TAS2R1: variants seen among roughly 807,000 people sequenced by gnomAD.
The protein encoded by TAS2R1 is taste 2 receptor member 1.
For missense variants in TAS2R1, 370 were observed against 353.4 expected, an observed-to-expected ratio of 1.05 and a Z score of -0.38; for synonymous variants, 141 against 134.2, an observed-to-expected ratio of 1.05 and a Z score of -0.35.
At chr5:9,824,844 G>GAAAA in the TAS2R1 span, among the ~76,000 whole-genome samples, 8 of 132,704 alleles carry the variant, frequency 6.0e-5, no homozygotes, top group Admixed American at 1.5e-4. Flanking sequence ...TGAAAACTCT[G>GAAAA]AAAAAAAAAA....
At chr5:9,669,535 A>G (rs1159651505) in intron 1 of TAS2R1, among the ~76,000 whole-genome samples, 1 of 152,160 alleles carries the variant, frequency 6.6e-6, no homozygotes, top group Non-Finnish European at 1.5e-5. Flanking sequence ...AGCAAATTTT[A>G]AACAACCAAA....
chr5:9,701,666 T>C (rs1579791023), intron 1 of TAS2R1, among the ~76,000 whole-genome samples: 1 of 152,240 alleles, frequency 6.6e-6, no homozygotes, highest in African/African-American at 2.4e-5. Flanking sequence ...GTGTATTGAC[T>C]GCAAATACTT....
chr5:9,836,882 G>A, the TAS2R1 span, among the ~76,000 whole-genome samples: 1 of 152,170 alleles, frequency 6.6e-6, no homozygotes, highest in Non-Finnish European at 1.5e-5. Flanking sequence ...ACATGCATGA[G>A]GATCTAATGA....
the TAS2R1 span, among the ~76,000 whole-genome samples, chr5:9,796,733 A>G: frequency 2.1e-5 from 3 of 144,918 alleles, no homozygotes; most frequent in Non-Finnish European, 4.6e-5. Flanking sequence ...AAAAAAAAAA[A>G]AAAAAAGAAA....
At chr5:9,784,790 C>T in the TAS2R1 span, among the ~76,000 whole-genome samples, 3 of 152,264 alleles carry the variant, frequency 2.0e-5, no homozygotes, top group South Asian at 2.1e-4. Flanking sequence ...CACTCGAAGC[C>T]CTGTGTGTCT....
chr5:9,831,823 A>G, the TAS2R1 span, among the ~76,000 whole-genome samples: 2 of 152,120 alleles, frequency 1.3e-5, no homozygotes, highest in Non-Finnish European at 2.9e-5. Context: ...TGCGATTTTT[A>G]TCTGAAAAGG....
At chr5:9,790,280 T>G in the TAS2R1 span, among the ~76,000 whole-genome samples, 960 of 152,360 alleles carry the variant, frequency 6.3e-3, 5 homozygotes, top group Non-Finnish European at 0.011. Flanking sequence ...ACCCTGCCAC[T>G]CTGTTTTCAT....
chr5:9,717,794 A>G, the TAS2R1 span, among the ~76,000 whole-genome samples: 1 of 152,240 alleles, frequency 6.6e-6, no homozygotes. Context: ...TAAAAATAAA[A>G]GGACATATAC....
chr5:9,777,525 C>T, the TAS2R1 span, among the ~76,000 whole-genome samples: 65 of 152,352 alleles, frequency 4.3e-4, no homozygotes, highest in Middle Eastern at 0.017. Context: ...TTACTTCCTT[C>T]GCTGAAGCCT....
Position 9,629,417 on chromosome 5 carries a change from G to T in TAS2R1, c.616C>A (p.Arg206=). 6.2e-7 allele frequency: 1 copy of T among 1,613,960 alleles called. No homozygotes were observed. The highest frequency in any genetic ancestry group is 1.1e-5 in the South Asian group (1 of 91,070). The part of the protein sequence containing the change: ...LLIFSLGRHT[R]QMRNTVAGSR... ...CCGGCCACTGTGTTTCTCATTTGCC[G>T]GGTGTGCCTCCCCAGAGAGAAAATC... The change falls in exon 1 of 1, where the codon CGG becomes AGG. Residue 206 remains arginine, a synonymous_variant. Coordinates refer to ENST00000382492, the MANE Select transcript of TAS2R1 (RefSeq NM_019599.3).
the TAS2R1 span, among the ~76,000 whole-genome samples, chr5:9,719,560 G>C: frequency 6.6e-6 from 1 of 152,098 alleles, no homozygotes; most frequent in Admixed American, 6.5e-5. Context: ...CATCCAACAG[G>C]ACTTTTTTAA....
At chr5:9,631,366 A>G (rs1739870077), upstream of TAS2R1, among the ~76,000 whole-genome samples, 1 of 152,170 alleles carries the variant, frequency 6.6e-6, no homozygotes, top group South Asian at 2.1e-4. Context: ...CAGCCTTCTG[A>G]GTAGCTAGGA....
the TAS2R1 span, among the ~76,000 whole-genome samples, chr5:9,838,390 G>C: frequency 6.6e-6 from 1 of 152,148 alleles, no homozygotes; most frequent in African/African-American, 2.4e-5. Flanking sequence ...GGAGCGAATA[G>C]AATACGCCTC....
At chr5:9,701,145 T>C (rs41483) in intron 1 of TAS2R1, among the ~76,000 whole-genome samples, 29,771 of 151,820 alleles carry the variant, frequency 0.2, 3,406 homozygotes, top group Admixed American at 0.32. Context: ...TCCTTATGTG[T>C]GTGTGTGGAG....
the TAS2R1 span, among the ~76,000 whole-genome samples, chr5:9,847,435 T>C: frequency 6.6e-6 from 1 of 152,244 alleles, no homozygotes; most frequent in Admixed American, 6.5e-5. Context: ...CTGGGTTCTC[T>C]AGCTCTAGAC....
the TAS2R1 span, among the ~76,000 whole-genome samples, chr5:9,762,269 C>G: frequency 1.1e-4 from 17 of 152,102 alleles, no homozygotes; most frequent in Non-Finnish European, 4.4e-5. Flanking sequence ...ATAAAAGACC[C>G]CTATGTAGCA....
rs150850708 is a variant in TAS2R1 at position 9,669,887 on chromosome 5, T to A, written c.-241-10306A>T. Among the ~76,000 whole-genome samples, 1,263 of 151,514 alleles carry A rather than the reference T, an allele frequency of 8.3e-3. 11 individuals carry two copies. The highest frequency in any genetic ancestry group is 0.015 in the Non-Finnish European group (989 of 67,598). On this transcript the variant is annotated intron_variant, in intron 1 of 2. Transcript: ENST00000506620. ...AGACTGAACCACCCCCAAACCTGGT[T>A]TTGAAATAACCAAAAGCAAAACTGA...
the TAS2R1 span, among the ~76,000 whole-genome samples, chr5:9,830,333 A>G: frequency 6.6e-6 from 1 of 152,184 alleles, no homozygotes; most frequent in African/African-American, 2.4e-5. Flanking sequence ...AGGTAGGTAG[A>G]TAGTTGACAG....
the TAS2R1 span, among the ~76,000 whole-genome samples, chr5:9,814,031 C>T: frequency 1.3e-5 from 2 of 152,096 alleles, no homozygotes; most frequent in African/African-American, 2.4e-5. Context: ...TCTGACACTC[C>T]ACTATTCTTT....
Sources: allele counts gnomAD v4.1 joint callset (sites outside exome capture counted in the v4.1 genomes callset), GRCh38; gene constraint gnomAD v4.1.1; transcripts MANE v1.5; gene names NCBI Gene and HGNC (gene_info 2026-07-23, HGNC 2026-07-21).